Variants in CACNA1C observed in about 807,000 individuals in gnomAD.
The protein encoded by CACNA1C is calcium voltage-gated channel subunit alpha1 C, also known as voltage-dependent L-type calcium channel subunit alpha-1C.
In CACNA1C, 30 loss-of-function variants were observed where a neutral mutation model predicts 229.0. The observed-to-expected ratio is 0.13, with a 90% CI of 0.10 to 0.18. CACNA1C has a LOEUF of 0.18. Among genes scored for constraint, CACNA1C ranks in the 10% least tolerant of loss-of-function variants. CACNA1C has a pLI of 1.00. For synonymous variants in CACNA1C, 1,114 were observed against 1,132.5 expected, an observed-to-expected ratio of 0.98 and a Z score of 0.33; for missense variants, 1,658 against 2,845.0, an observed-to-expected ratio of 0.58 and a Z score of 9.49.
chr12:2,052,490 C>G (rs1367388202), upstream of CACNA1C, among the ~76,000 whole-genome samples: 1 of 151,852 alleles, frequency 6.6e-6, no homozygotes, highest in Non-Finnish European at 1.5e-5. Context: ...CAGAGGCCTT[C>G]CCGGCGTGGC....
intron 3 of CACNA1C, among the ~76,000 whole-genome samples, chr12:2,137,658 C>T (rs918235291): frequency 4.0e-5 from 6 of 151,054 alleles, no homozygotes; most frequent in Middle Eastern, 3.4e-3. Context: ...ATGATTCAAA[C>T]TAGACAGATA....
intron 1 of CACNA1C, among the ~76,000 whole-genome samples, chr12:2,002,501 T>C (rs1284635877): frequency 6.6e-6 from 1 of 152,236 alleles, no homozygotes; most frequent in Non-Finnish European, 1.5e-5. Flanking sequence ...AATTAATGCA[T>C]TGTGACACAT....
rs143793294 is a variant in CACNA1C at position 2,292,515 on chromosome 12, C to T, written c.478-156461C>T. Among the ~76,000 whole-genome samples, 494 of 152,346 alleles carry T rather than the reference C, an allele frequency of 3.2e-3. 3 individuals carry two copies. Among genetic ancestry groups the T allele is most frequent in the African/African-American group, 0.011 (461 of 41,580 alleles). On this transcript the variant is annotated intron_variant, in intron 3 of 46. Transcript: ENST00000399655. ...ACTGTTTCAGGAATCAGACAGCCCA[C>T]GTTTGAAACCTCCAGGACTTACCAC... is the stretch of plus-strand genomic sequence containing the variant.
intron 12 of CACNA1C, among the ~76,000 whole-genome samples, chr12:2,567,240 T>C (rs1268370430): frequency 6.6e-6 from 1 of 152,180 alleles, no homozygotes; most frequent in South Asian, 2.1e-4. Flanking sequence ...CTGCACAGGC[T>C]ACTCACCTCT....
chr12:1,993,219 C>T (rs1207895920), intron 1 of CACNA1C: 11 of 1,613,802 alleles, frequency 6.8e-6, no homozygotes, highest in Non-Finnish European at 9.3e-6. Context: ...AACACTTGGC[C>T]AAACTTCAGA....
intron 3 of CACNA1C, among the ~76,000 whole-genome samples, chr12:2,229,787 C>A (rs1169839900): frequency 6.6e-6 from 1 of 152,118 alleles, no homozygotes; most frequent in Admixed American, 6.5e-5. Context: ...GGCGAGGGAG[C>A]GGCATGAGCA....
In CACNA1C at chr12:2,685,114, T is replaced by C. The variant is rs2887804; in HGVS notation, c.5574-622T>C. Among the ~76,000 whole-genome samples the C allele has an allele frequency of 3.3e-3, 496 of 152,002 alleles. 3 individuals are homozygous for C. The highest frequency in any genetic ancestry group is 0.018 in the East Asian group (94 of 5,144). ...CCGAGGGTAACCAAAGGCTATGAGG[T>C]TTCATTCCATCAGGTGTGTCTGTGC... On this transcript the variant is annotated intron_variant, in intron 43 of 46. Coordinates refer to ENST00000399655, the MANE Select transcript of CACNA1C (RefSeq NM_000719.7).
chr12:2,343,552 GTT>G (rs770122397), intron 3 of CACNA1C, among the ~76,000 whole-genome samples: 6 of 152,090 alleles, frequency 3.9e-5, no homozygotes, highest in Non-Finnish European at 7.4e-5. Context: ...ATTATTTGTT[GTT>G]TATCTGAAAT....
At chr12:2,324,201 A>C (rs932771457) in intron 3 of CACNA1C, among the ~76,000 whole-genome samples, 1 of 152,190 alleles carries the variant, frequency 6.6e-6, no homozygotes, top group African/African-American at 2.4e-5. Context: ...AGTTTCCCTC[A>C]AAAGCCCGGG....
rs2153595249 is a variant in CACNA1C at position 2,639,135 on chromosome 12, A to C, written c.3912+4755A>C. ...GTGCGGTCATGCTGAATTCAGCCTC[A>C]GTATCTGAGCCATGGGCCCCGGCCC... is the stretch of plus-strand genomic sequence containing the variant. On this transcript the variant is annotated intron_variant, in intron 30 of 46. Transcript: ENST00000399655. The surrounding 1 kb of genome is among the most constrained non-coding windows in gnomAD (Gnocchi z 4.2). Among the ~76,000 whole-genome samples, 1 of 152,324 alleles carries C rather than the reference A, an allele frequency of 6.6e-6. No individual in the cohort carries two copies. The highest frequency in any genetic ancestry group is 6.5e-5 in the Admixed American group (1 of 15,308).
chr12:2,374,354 G>A (rs189504108), intron 3 of CACNA1C, among the ~76,000 whole-genome samples: 4 of 152,314 alleles, frequency 2.6e-5, no homozygotes, highest in Admixed American at 2.6e-4. Context: ...TTTCTGCTTT[G>A]GTGTTATTTG....
intron 3 of CACNA1C, among the ~76,000 whole-genome samples, chr12:2,160,443 AG>A (rs2095799633): frequency 6.6e-6 from 1 of 152,232 alleles, no homozygotes; most frequent in Non-Finnish European, 1.5e-5. Context: ...TTTGGCAAAA[AG>A]GGGCCACCAC....
intron 3 of CACNA1C, among the ~76,000 whole-genome samples, chr12:2,290,352 G>T (rs2093348991): frequency 6.6e-6 from 1 of 152,234 alleles, no homozygotes; most frequent in South Asian, 2.1e-4. Context: ...GCTCAGCTGG[G>T]CAGGGGCGTG....
At chr12:2,323,915 C>T (rs1040230813) in intron 3 of CACNA1C, among the ~76,000 whole-genome samples, 2 of 151,934 alleles carry the variant, frequency 1.3e-5, no homozygotes, top group Non-Finnish European at 2.9e-5. Context: ...CGGATGGGGG[C>T]GTACAGTGGG....
At chr12:2,147,797 A>G (rs892567265) in intron 3 of CACNA1C, among the ~76,000 whole-genome samples, 1 of 150,630 alleles carries the variant, frequency 6.6e-6, no homozygotes, top group Non-Finnish European at 1.5e-5. Flanking sequence ...TGGGGGGGCA[A>G]ATAGGCAGTA....
intron 3 of CACNA1C, among the ~76,000 whole-genome samples, chr12:2,130,031 TTC>T (rs962475149): frequency 1.3e-5 from 2 of 152,148 alleles, no homozygotes; most frequent in African/African-American, 4.8e-5. Context: ...TTCCCCTTTA[TTC>T]TCTTTGTTCT....
intron 3 of CACNA1C, among the ~76,000 whole-genome samples, chr12:2,310,405 C>A (rs778083803): frequency 1.4e-4 from 21 of 151,220 alleles, no homozygotes; most frequent in Non-Finnish European, 2.4e-4. Context: ...ATGTGTATCA[C>A]CAACATATCT....
chr12:2,290,477 G>C (rs1281443537), intron 3 of CACNA1C, among the ~76,000 whole-genome samples: 3 of 152,184 alleles, frequency 2.0e-5, no homozygotes, highest in Admixed American at 2.0e-4. Context: ...AGGGATTAGT[G>C]CTGGTTGGGG....
In CACNA1C at chr12:2,369,583, T is replaced by C. The variant is rs76120911; in HGVS notation, c.478-79393T>C. On this transcript the variant is annotated intron_variant, in intron 3 of 46. Coordinates refer to ENST00000399655, the MANE Select transcript of CACNA1C (RefSeq NM_000719.7). ...CCAGCTAATTTTTTTTTTGTATTTT[T>C]AGTAGAGTCAGGGTTTCACCATGTT... Among the ~76,000 whole-genome samples, 126 of 152,140 alleles carry C rather than the reference T, an allele frequency of 8.3e-4. 1 individual carries two copies. The East Asian group carries it at 0.022, about 26-fold the overall frequency.
Sources: gnomAD v4.1 joint callset for allele counts (sites outside exome capture counted in the v4.1 genomes callset) on GRCh38, gnomAD v4.1.1 for gene constraint, Gnocchi (gnomAD v3.1) non-coding constraint, MANE v1.5 for transcripts, NCBI Gene and HGNC (gene_info 2026-07-23, HGNC 2026-07-21) for gene names.